SCARA5: variants seen among roughly 807,000 people sequenced by gnomAD.
SCARA5 encodes scavenger receptor class A, member 5 (putative).
In SCARA5, 45 loss-of-function variants were observed where a neutral mutation model predicts 46.3. The observed-to-expected ratio is 0.97, with a 90% CI of 0.76 to 1.24. The LOEUF is 1.24. Among genes scored for constraint, SCARA5 ranks in the 50% most tolerant of loss-of-function variants. The pLI is 0.00. For missense variants in SCARA5, 680 were observed against 689.0 expected, an observed-to-expected ratio of 0.99 and a Z score of 0.15; for synonymous variants, 333 against 306.5, an observed-to-expected ratio of 1.09 and a Z score of -0.90.
chr8:27,930,125 G>C (rs1186157468), intron 3 of SCARA5, among the ~76,000 whole-genome samples: 1 of 152,152 alleles, frequency 6.6e-6, no homozygotes, highest in Non-Finnish European at 1.5e-5. Context: ...GCTTGATATG[G>C]TTTTCCTGTG....
rs528108872 is a variant in SCARA5, at chr8:27,927,663, C to T, written c.242-5418G>A. ...CTTTTTTTCAATCATGGTAAATAAA[C>T]GCAGAAAGGTTCCTCCCCTTCCCTT... On this transcript the variant is annotated intron_variant, in intron 3 of 8. Coordinates refer to ENST00000354914, the MANE Select transcript of SCARA5 (RefSeq NM_173833.6). 6.6e-5 allele frequency among the ~76,000 whole-genome samples: 10 copies of T among 152,068 alleles called. No individual in the cohort carries two copies. In the South Asian group the frequency reaches 8.3e-4, roughly 13 times the overall value.
At chr8:27,910,611 C>G (rs1248574045) in intron 4 of SCARA5, among the ~76,000 whole-genome samples, 1 of 152,156 alleles carries the variant, frequency 6.6e-6, no homozygotes, top group Non-Finnish European at 1.5e-5. Context: ...TGGGTGAGAA[C>G]AGGAGGGAGG....
At chr8:27,879,464 G>T in intron 8 of SCARA5, 105 bp downstream of exon 8, 1 of 1,105,322 alleles carries the variant, frequency 9.0e-7, no homozygotes. Context: ...GAGAGGCTGG[G>T]GACCTCGCGG....
chr8:27,874,712 G>T (rs908439634), intron 8 of SCARA5, among the ~76,000 whole-genome samples: 1 of 152,216 alleles, frequency 6.6e-6, no homozygotes, highest in Non-Finnish European at 1.5e-5. Flanking sequence ...AGGTAATAAT[G>T]CAATAATTAG....
chr8:27,933,545 CA>C (rs1187446269), intron 3 of SCARA5, among the ~76,000 whole-genome samples: 2 of 144,692 alleles, frequency 1.4e-5, no homozygotes, highest in Non-Finnish European at 3.0e-5. Flanking sequence ...AAAGAGACAA[CA>C]GGGCAGATTC....
intron 1 of SCARA5, among the ~76,000 whole-genome samples, chr8:27,989,033 TAATC>T (rs1808745788): frequency 6.7e-6 from 1 of 150,202 alleles, no homozygotes; most frequent in Non-Finnish European, 1.5e-5. Flanking sequence ...TAAATAGACA[TAATC>T]AGGGAAGGCG....
chr8:27,917,199 C>T (rs1005396909), intron 4 of SCARA5, among the ~76,000 whole-genome samples: 1 of 152,226 alleles, frequency 6.6e-6, no homozygotes, highest in Admixed American at 6.5e-5. Context: ...ATCAAGAATC[C>T]AAAGCTTAAA....
chr8:27,885,313 C>T (rs4732786), intron 7 of SCARA5, among the ~76,000 whole-genome samples: 1 of 152,018 alleles, frequency 6.6e-6, no homozygotes, highest in East Asian at 1.9e-4. Flanking sequence ...CTGGCCTAAG[C>T]TTTCCTTGTC....
intron 2 of SCARA5, 47 bp downstream of exon 2, chr8:27,987,456 AC>A: frequency 2.2e-6 from 3 of 1,366,792 alleles, no homozygotes; most frequent in Admixed American, 3.4e-5. Context: ...CTCCTTCCCC[AC>A]CCCCAGGCCA....
At chr8:27,874,600 A>G (rs185535230) in intron 8 of SCARA5, among the ~76,000 whole-genome samples, 104 of 152,378 alleles carry the variant, frequency 6.8e-4, no homozygotes, top group Middle Eastern at 6.8e-3. Context: ...CACAAAGCTT[A>G]AAGTATTTGC....
At chr8:27,931,971 T>A (rs1807781195) in intron 3 of SCARA5, among the ~76,000 whole-genome samples, 2 of 104,082 alleles carry the variant, frequency 1.9e-5, no homozygotes, top group African/African-American at 5.6e-5. Flanking sequence ...CGTGCATTTT[T>A]AATTCTTTTA....
intron 8 of SCARA5, among the ~76,000 whole-genome samples, chr8:27,874,202 G>A (rs1806688316): frequency 6.6e-6 from 1 of 152,190 alleles, no homozygotes; most frequent in Non-Finnish European, 1.5e-5. Flanking sequence ...TTCATAGTAG[G>A]AAAAAGTTAC....
Position 27,871,704 on chromosome 8 carries a change from C to G in SCARA5, c.*230G>C, listed in dbSNP as rs544968453. 32 of 1,387,256 alleles carry G rather than the reference C, an allele frequency of 2.3e-5. No individual in the cohort carries two copies. In the South Asian group the frequency reaches 4.4e-4, roughly 19 times the overall value. 85.9% of individuals were successfully genotyped at this position (1,387,256 alleles called of 1,614,324 possible). On this transcript the variant is annotated 3_prime_UTR_variant, in exon 9 of 9. Transcript: ENST00000354914. The stretch of plus-strand genomic sequence containing the variant: ...TTGATCAGGGCTCCTCATGCAGGAA[C>G]CTGGTGGAAGAGAGAGACGGGCAGT...
chr8:27,986,846 T>A (rs1797586122), intron 2 of SCARA5, among the ~76,000 whole-genome samples: 1 of 152,144 alleles, frequency 6.6e-6, no homozygotes, highest in Non-Finnish European at 1.5e-5. Context: ...GGGGCAATGC[T>A]CTCCTCTCTG....
At chr8:27,978,441 C>A (rs1387998059) in intron 2 of SCARA5, among the ~76,000 whole-genome samples, 4 of 152,126 alleles carry the variant, frequency 2.6e-5, no homozygotes, top group African/African-American at 9.7e-5. Context: ...AGGCTTTTCA[C>A]CAATCACTGA....
intron 7 of SCARA5, among the ~76,000 whole-genome samples, chr8:27,882,932 C>G (rs11774579): frequency 0.78 from 118,294 of 151,972 alleles, 46,118 homozygotes; most frequent in Non-Finnish European, 0.8. Context: ...GCCTCACAAC[C>G]TCTCTAAAGG....
intron 7 of SCARA5, among the ~76,000 whole-genome samples, chr8:27,881,876 C>T (rs976162600): frequency 6.6e-6 from 1 of 152,196 alleles, no homozygotes; most frequent in African/African-American, 2.4e-5. Flanking sequence ...GCCTCGTCAT[C>T]ACCCAGAGTC....
chr8:27,956,034 T>A (rs946645218), intron 3 of SCARA5, among the ~76,000 whole-genome samples: 1 of 152,126 alleles, frequency 6.6e-6, no homozygotes, highest in Non-Finnish European at 1.5e-5. Context: ...GGATTTGAGA[T>A]GATGTTTGTT....
chr8:27,890,841 C>G lies in SCARA5; in HGVS notation c.1154-11075G>C, dbSNP rs555064554. On this transcript the variant is annotated intron_variant, in intron 7 of 8. Coordinates refer to ENST00000354914, the MANE Select transcript of SCARA5 (RefSeq NM_173833.6). ...AATTGATGTCTAAACATGTATCGAT[C>G]TAGCCTTGGGGACACAGAGGTATTT... 1.1e-3 allele frequency among the ~76,000 whole-genome samples: 163 copies of G among 152,350 alleles called. 1 individual carries two copies. The highest frequency in any genetic ancestry group is 6.8e-3 in the Middle Eastern group (2 of 294).
Sources: allele counts gnomAD v4.1 joint callset (sites outside exome capture counted in the v4.1 genomes callset), GRCh38; gene constraint gnomAD v4.1.1; transcripts MANE v1.5; gene names NCBI Gene and HGNC (gene_info 2026-07-23, HGNC 2026-07-21).